The following TTLL5 variants were observed in gnomAD, a reference collection of about 807,000 sequenced individuals.
The protein encoded by TTLL5 is tubulin tyrosine ligase like 5, also known as tubulin polyglutamylase TTLL5.
Under a neutral mutation model 168.4 loss-of-function variants are expected in TTLL5, and 132 were observed. That is an observed-to-expected ratio of 0.78 (90% CI 0.68 to 0.91). TTLL5 has a LOEUF of 0.91. Among genes scored for constraint, TTLL5 ranks in the 40% least tolerant of loss-of-function variants. The pLI is 0.00. For missense variants in TTLL5, 1,545 were observed against 1,581.5 expected (o/e 0.98, Z 0.39); for synonymous variants, 546 against 558.6 (o/e 0.98, Z 0.32).
At chr14:75,930,617 G>C (rs1055589971) in intron 31 of TTLL5, 2 of 985,306 alleles carry the variant, frequency 2.0e-6, no homozygotes, top group East Asian at 2.3e-4. Context: ...AGAAATTCAC[G>C]GAACAAGTGG....
chr14:75,933,561 C>T (rs368917025), intron 31 of TTLL5, among the ~76,000 whole-genome samples: 3 of 152,184 alleles, frequency 2.0e-5, no homozygotes. Context: ...AAGTTACAGT[C>T]AGGCTGTCAG....
At position 75,902,151 on chromosome 14, in the gene TTLL5, C is replaced by A; in HGVS notation, c.3750C>A (p.Ser1250=). The A allele has an allele frequency of 6.2e-7, 1 of 1,614,116 alleles. No homozygotes were observed. Among genetic ancestry groups the A allele is most frequent in the Non-Finnish European group, 8.5e-7 (1 of 1,180,004 alleles). The change falls in exon 31 of 32, where the codon TCC becomes TCA. Residue 1250 remains serine (S), a synonymous_variant. Transcript: ENST00000298832. ...ATSQKASKGS[S]AEGQLNGLQS... ...CTCCTTTGTGTTTCAGAGGGTCCTC[C>A]GCGGAAGGGCAGCTGAATGGACTCC...
intron 19 of TTLL5, 42 bp downstream of exon 19, chr14:75,764,814 C>T: frequency 1.9e-6 from 3 of 1,609,416 alleles, no homozygotes; most frequent in Non-Finnish European, 2.5e-6. Context: ...TTATCTGGAT[C>T]CTGCCAGACT....
chr14:75,837,551 T>C (rs1895936180), intron 28 of TTLL5, among the ~76,000 whole-genome samples: 1 of 152,166 alleles, frequency 6.6e-6, no homozygotes, highest in African/African-American at 2.4e-5. Context: ...ATAATTCTTT[T>C]CATCTTGATA....
At chr14:75,671,386 G>T (rs1022298679) in intron 3 of TTLL5, among the ~76,000 whole-genome samples, 3 of 152,172 alleles carry the variant, frequency 2.0e-5, no homozygotes, top group Non-Finnish European at 4.4e-5. Context: ...AGGGTCCCTT[G>T]CAATTCCATA....
intron 31 of TTLL5, among the ~76,000 whole-genome samples, chr14:75,939,393 C>A (rs2034528590): frequency 6.6e-6 from 1 of 151,990 alleles, no homozygotes; most frequent in Non-Finnish European, 1.5e-5. Context: ...CATTTCATTT[C>A]ATTTTATTTG....
At chr14:75,697,730 C>T (rs557374445) in intron 6 of TTLL5, among the ~76,000 whole-genome samples, 281 of 152,234 alleles carry the variant, frequency 1.8e-3, no homozygotes, top group Non-Finnish European at 3.6e-3. Flanking sequence ...TTCAGGACTC[C>T]AGTATCTGAA....
chr14:75,767,410 T>G (rs561609625), intron 20 of TTLL5, among the ~76,000 whole-genome samples: 1 of 152,300 alleles, frequency 6.6e-6, no homozygotes, highest in East Asian at 1.9e-4. Context: ...TAGAATGTAA[T>G]TGGGCAGAGT....
At chr14:75,927,046 A>G (rs2359990) in intron 31 of TTLL5, among the ~76,000 whole-genome samples, 118,452 of 152,120 alleles carry the variant, frequency 0.78, 46,224 homozygotes, top group Admixed American at 0.83. Context: ...GGAGTAATGA[A>G]AATGTTCTAA....
chr14:75,710,128 C>G (rs1180862671), intron 9 of TTLL5: 1 of 152,108 alleles, frequency 6.6e-6, no homozygotes, highest in Non-Finnish European at 1.5e-5. Flanking sequence ...TTGTGCTTCA[C>G]TGTTTCTCAA....
chr14:75,916,731 T>C (rs2033629144), intron 31 of TTLL5, among the ~76,000 whole-genome samples: 1 of 152,200 alleles, frequency 6.6e-6, no homozygotes, highest in Non-Finnish European at 1.5e-5. Flanking sequence ...GAAACAGATA[T>C]TTGTATCCTC....
chr14:75,698,041 C>G (rs1183104765), intron 6 of TTLL5, among the ~76,000 whole-genome samples: 6 of 152,172 alleles, frequency 3.9e-5, no homozygotes. Flanking sequence ...ACCTTTCATC[C>G]CATCTCTGCT....
intron 6 of TTLL5, among the ~76,000 whole-genome samples, chr14:75,697,253 T>G (rs538598826): frequency 2.6e-5 from 4 of 152,346 alleles, no homozygotes; most frequent in African/African-American, 9.6e-5. Flanking sequence ...ACAAAAATAG[T>G]TTGCCGACCC....
At chr14:75,919,754 C>T (rs2033758255) in intron 31 of TTLL5, among the ~76,000 whole-genome samples, 2 of 152,082 alleles carry the variant, frequency 1.3e-5, no homozygotes, top group Non-Finnish European at 2.9e-5. Flanking sequence ...AAAGTACAAG[C>T]AACAACAAAA....
intron 30 of TTLL5, among the ~76,000 whole-genome samples, chr14:75,896,976 TTAAA>T (rs1332360650): frequency 6.6e-6 from 1 of 152,202 alleles, no homozygotes; most frequent in Non-Finnish European, 1.5e-5. Context: ...CTTATATTCC[TTAAA>T]TAGAGACTTG....
intron 29 of TTLL5, among the ~76,000 whole-genome samples, chr14:75,865,389 A>G (rs1278981467): frequency 6.6e-6 from 1 of 152,088 alleles, no homozygotes; most frequent in African/African-American, 2.4e-5. Context: ...GTATCACTGT[A>G]TAGCCTGAAG....
At chr14:75,921,166 TCTGTAG>T (rs1194396120) in intron 31 of TTLL5, among the ~76,000 whole-genome samples, 1 of 152,224 alleles carries the variant, frequency 6.6e-6, no homozygotes, top group Non-Finnish European at 1.5e-5. Flanking sequence ...TTTCTCCCAT[TCTGTAG>T]GTTGCCTGTT....
At chr14:75,890,823 G>A (rs535076652) in intron 30 of TTLL5, among the ~76,000 whole-genome samples, 3 of 152,194 alleles carry the variant, frequency 2.0e-5, no homozygotes, top group Non-Finnish European at 2.9e-5. Flanking sequence ...AGGTTCAAGC[G>A]ATACTCCTGC....
chr14:75,926,156 C>CTTTTTTTTTTTTTT (rs34048806), intron 31 of TTLL5, among the ~76,000 whole-genome samples: 2 of 29,960 alleles, frequency 6.7e-5, no homozygotes, highest in Non-Finnish European at 1.0e-4. Context: ...GCAACCCCAG[C>CTTTTTTTTTTTTTT]TTTTTTTTTT....
Sources: gnomAD v4.1 joint callset for allele counts (sites outside exome capture counted in the v4.1 genomes callset) on GRCh38, gnomAD v4.1.1 for gene constraint, MANE v1.5 for transcripts, NCBI Gene and HGNC (gene_info 2026-07-23, HGNC 2026-07-21) for gene names.